Variants in ANKRD12 observed in about 807,000 individuals in gnomAD.
ANKRD12 encodes ankyrin repeat domain 12.
In ANKRD12, 85 loss-of-function variants were observed where a neutral mutation model predicts 183.4. The observed-to-expected ratio is 0.46, with a 90% confidence interval of 0.39 to 0.56. ANKRD12 has a LOEUF of 0.56. Ranked by LOEUF, ANKRD12 falls within the 20% of genes least tolerant of loss-of-function variation. The pLI, the probability that ANKRD12 is intolerant of heterozygous loss-of-function variation, is 0.00. For missense variants in ANKRD12, 2,405 were observed against 2,357.1 expected (o/e 1.02, Z -0.42); for synonymous variants, 914 against 800.2 (o/e 1.14, Z -2.40).
At chr18:9,216,378 T>C (rs1294564685) in intron 6 of ANKRD12, among the ~76,000 whole-genome samples, 2 of 152,226 alleles carry the variant, frequency 1.3e-5, no homozygotes, top group African/African-American at 4.8e-5. Flanking sequence ...TCTCTAGCTT[T>C]ATTGTAAGAG....
chr18:9,152,645 A>T (rs1295951068), intron 1 of ANKRD12, among the ~76,000 whole-genome samples: 1 of 151,822 alleles, frequency 6.6e-6, no homozygotes, highest in African/African-American at 2.4e-5. Flanking sequence ...TCTACATTCT[A>T]TTTACCACAC....
intron 8 of ANKRD12, among the ~76,000 whole-genome samples, chr18:9,223,085 TAAAAC>T (rs2036510845): frequency 6.6e-6 from 1 of 152,054 alleles, no homozygotes; most frequent in African/African-American, 2.4e-5. Flanking sequence ...AATACAAAAT[TAAAAC>T]CAACAACAAC....
chr18:9,182,148 A>G (rs1022089157), intron 1 of ANKRD12, among the ~76,000 whole-genome samples: 2 of 152,230 alleles, frequency 1.3e-5, no homozygotes, highest in African/African-American at 4.8e-5. Context: ...TGGATACCCA[A>G]AACTGGAGAT....
intron 6 of ANKRD12, among the ~76,000 whole-genome samples, chr18:9,214,137 C>G (rs540717844): frequency 6.6e-6 from 1 of 151,658 alleles, no homozygotes; most frequent in Admixed American, 6.6e-5. Flanking sequence ...AGATGAACTG[C>G]ATAGCCTAGA....
At chr18:9,204,309 C>T (rs906946501) in intron 3 of ANKRD12, among the ~76,000 whole-genome samples, 167 bp from the exon 4 acceptor site, 2 of 152,158 alleles carry the variant, frequency 1.3e-5, no homozygotes, top group Non-Finnish European at 2.9e-5. Context: ...TAGGTGTTGA[C>T]CAAACCTGTG....
chr18:9,265,881 T>A (rs1178341573), intron 10 of ANKRD12, among the ~76,000 whole-genome samples: 1 of 152,004 alleles, frequency 6.6e-6, no homozygotes, highest in South Asian at 2.1e-4. Flanking sequence ...GAAAAAAGAT[T>A]AGACGAATGG....
chr18:9,281,402 T>C lies in ANKRD12; in HGVS notation c.*276T>C, dbSNP rs1377097227. 3.4e-5 allele frequency: 8 copies of C among 238,302 alleles called. No homozygotes were observed. The highest frequency in any genetic ancestry group is 6.4e-5 in the Non-Finnish European group (8 of 125,922). The allele number at this position is 238,302 out of a possible 1,614,324, so 14.8% of individuals were successfully genotyped here. A position where few individuals can be genotyped will look rare whatever the true frequency, so the allele number is the denominator to read the frequency against. On this transcript the variant is annotated 3_prime_UTR_variant, in exon 13 of 13. Coordinates refer to ENST00000262126, the MANE Select transcript of ANKRD12 (RefSeq NM_015208.5). ...GGCAGACTGGTAGGTATTTAAAAAG[T>C]TGAGAATCTGCTAACAGCGCTGGAA...
chr18:9,176,922 A>T (rs1460551724), intron 1 of ANKRD12, among the ~76,000 whole-genome samples: 2 of 152,240 alleles, frequency 1.3e-5, no homozygotes, highest in Non-Finnish European at 2.9e-5. Context: ...AAACTGTCTT[A>T]TAGCATACAT....
At position 9,270,473 on chromosome 18, in the gene ANKRD12, G is replaced by C. The variant is rs2039537134; in HGVS notation, c.5764-5051G>C. Among the ~76,000 whole-genome samples, 3 of 152,186 alleles carry C rather than the reference G, an allele frequency of 2.0e-5. No homozygotes were observed. In the South Asian group the frequency reaches 6.2e-4, roughly 31 times the overall value. ...AGTTTATGTCCTCTGTCGGGACATG[G>C]ATGAAGCTGGAAACCATCATTCTCA... On this transcript the variant is annotated intron_variant, in intron 10 of 12. Coordinates refer to ENST00000262126, the MANE Select transcript of ANKRD12 (RefSeq NM_015208.5).
At chr18:9,171,992 C>T (rs982671022) in intron 1 of ANKRD12, among the ~76,000 whole-genome samples, 1 of 150,422 alleles carries the variant, frequency 6.6e-6, no homozygotes, top group Non-Finnish European at 1.5e-5. Context: ...TGTACTCTAT[C>T]CTGGGCAGGA....
intron 7 of ANKRD12, among the ~76,000 whole-genome samples, chr18:9,221,301 G>C (rs1226909665): frequency 1.3e-5 from 2 of 152,144 alleles, no homozygotes; most frequent in East Asian, 3.8e-4. Context: ...ATTAGATACA[G>C]CATCCTTCTG....
chr18:9,242,947 G>A (rs1233107559), intron 8 of ANKRD12, among the ~76,000 whole-genome samples: 1 of 152,088 alleles, frequency 6.6e-6, no homozygotes, highest in South Asian at 2.1e-4. Context: ...CTTTTGTAAA[G>A]TAGAATTAAA....
rs1361968508 is a variant in ANKRD12 at position 9,233,969 on chromosome 18, TG to T, written c.943+11972del. ...GTGAACAGGTTCTCAGGTCCCAGCGTGGTAGGGGCAGTGCCAGTGGTGGGAT... is the reference window on the plus strand; with the variant it reads ...GTGAACAGGTTCTCAGGTCCCAGCGTGTAGGGGCAGTGCCAGTGGTGGGAT... On this transcript the variant is annotated intron_variant, in intron 8 of 12. Coordinates refer to ENST00000262126, the MANE Select transcript of ANKRD12 (RefSeq NM_015208.5). 2.0e-5 allele frequency among the ~76,000 whole-genome samples: 3 copies of T among 152,162 alleles called. No individual in the cohort carries two copies. The East Asian group carries it at 5.8e-4, about 29-fold the overall frequency.
chr18:9,281,554 A>C lies in ANKRD12; in HGVS notation c.*428A>C, dbSNP rs566259507. On this transcript the variant is annotated 3_prime_UTR_variant, in exon 13 of 13. Transcript: ENST00000262126. Reference sequence around the variant, plus strand: ...CAAATAGTTTCTAATGTGGGAGAAAAACTTGGCACAAAATTTCTTCAGTTT... The same window carrying C: ...CAAATAGTTTCTAATGTGGGAGAAACACTTGGCACAAAATTTCTTCAGTTT... 6.5e-6 allele frequency: 1 copy of C among 153,054 alleles called. No individual in the cohort carries two copies. Among genetic ancestry groups the C allele is most frequent in the Admixed American group, 6.5e-5 (1 of 15,314 alleles). The allele number at this position is 153,054 out of a possible 1,614,324, so 9.5% of individuals were successfully genotyped here.
intron 2 of ANKRD12, among the ~76,000 whole-genome samples, chr18:9,194,154 A>G (rs1315261805): frequency 2.6e-5 from 4 of 152,044 alleles, no homozygotes; most frequent in Admixed American, 2.0e-4. Flanking sequence ...AAACTTTACT[A>G]TGCATCAAAA....
chr18:9,263,649 C>A (rs2039114690), intron 9 of ANKRD12, 141 bp from the exon 10 acceptor site: 2 of 483,098 alleles, frequency 4.1e-6, no homozygotes, highest in East Asian at 7.3e-5. Context: ...ACAATCAGTT[C>A]TATAACTAGT....
At chr18:9,215,508 T>G (rs2036048050) in intron 6 of ANKRD12, among the ~76,000 whole-genome samples, 1 of 152,048 alleles carries the variant, frequency 6.6e-6, no homozygotes, top group African/African-American at 2.4e-5. Context: ...CCAAAGGCAT[T>G]AAAGTGGTGT....
chr18:9,162,699 AACCTC>A (rs2031587008), intron 1 of ANKRD12, among the ~76,000 whole-genome samples: 1 of 152,164 alleles, frequency 6.6e-6, no homozygotes, highest in Admixed American at 6.6e-5. Flanking sequence ...TTTTCTCCAC[AACCTC>A]GCCAGCGTCT....
intron 6 of ANKRD12, 107 bp from the exon 7 acceptor site, chr18:9,216,651 C>T (rs1438542583): frequency 1.5e-5 from 16 of 1,095,122 alleles, no homozygotes; most frequent in South Asian, 1.7e-5. Flanking sequence ...TTTTTTTGCA[C>T]GATGTGCAGT....
Sources: gnomAD v4.1 joint callset for allele counts (sites outside exome capture counted in the v4.1 genomes callset) on GRCh38, gnomAD v4.1.1 for gene constraint, MANE v1.5 for transcripts, NCBI Gene and HGNC (gene_info 2026-07-23, HGNC 2026-07-21) for gene names.